The following NXPE2 variants were observed in gnomAD, a reference collection of about 807,000 sequenced individuals.
NXPE2 encodes the protein NXPE family member 2.
A neutral mutation model predicts 34.4 loss-of-function variants in NXPE2; 34 were observed. The observed-to-expected ratio is 0.99, with a 90% CI of 0.75 to 1.31. NXPE2 has a LOEUF of 1.31. NXPE2 is among the 40% of genes most tolerant of loss of function. The pLI is 0.00. For synonymous variants in NXPE2, 235 were observed against 231.3 expected, an observed-to-expected ratio of 1.02 and a Z score of -0.15; for missense variants, 649 against 672.5, an observed-to-expected ratio of 0.97 and a Z score of 0.39.
chr11:114,713,831 C>T, the NXPE2 span, among the ~76,000 whole-genome samples: 1 of 152,058 alleles, frequency 6.6e-6, no homozygotes, highest in Non-Finnish European at 1.5e-5. Flanking sequence ...AGGAGTAATC[C>T]CAATCTTCTT....
intron 2 of NXPE2, among the ~76,000 whole-genome samples, chr11:114,682,267 C>T (rs1029110232): frequency 6.6e-6 from 1 of 152,112 alleles, no homozygotes; most frequent in African/African-American, 2.4e-5. Context: ...GACATAGGGG[C>T]CCACATGCTG....
chr11:114,639,207 A>G, the NXPE2 span, among the ~76,000 whole-genome samples: 222 of 151,860 alleles, frequency 1.5e-3, 3 homozygotes, highest in Non-Finnish European at 2.1e-3. Context: ...GCCGCCTTTC[A>G]GTTTGATCTC....
the NXPE2 span, among the ~76,000 whole-genome samples, chr11:114,484,803 A>C: frequency 6.6e-6 from 1 of 152,220 alleles, no homozygotes; most frequent in Non-Finnish European, 1.5e-5. Flanking sequence ...AGTCTTTCAA[A>C]AATGTTCTTA....
chr11:114,678,436 G>T, upstream of NXPE2: 1 of 634,730 alleles, frequency 1.6e-6, no homozygotes. Flanking sequence ...GATTCCAGCT[G>T]GCACGCTGTG....
chr11:114,539,279 G>A, the NXPE2 span, among the ~76,000 whole-genome samples: 43 of 147,684 alleles, frequency 2.9e-4, 1 homozygote, highest in African/African-American at 8.3e-4. Context: ...ACTGGGGACT[G>A]TTGTGTGGTC....
the NXPE2 span, among the ~76,000 whole-genome samples, chr11:114,664,449 CA>C: frequency 1.9e-4 from 29 of 150,958 alleles, no homozygotes; most frequent in Admixed American, 4.0e-4. Flanking sequence ...CAACTGTAAA[CA>C]AAAAAAAATA....
At chr11:114,813,580 T>C in the NXPE2 span, among the ~76,000 whole-genome samples, 1 of 152,170 alleles carries the variant, frequency 6.6e-6, no homozygotes, top group South Asian at 2.1e-4. Context: ...TCTGGGGGAG[T>C]TCATCTTCAG....
intron 5 of NXPE2, among the ~76,000 whole-genome samples, 195 bp downstream of exon 5, chr11:114,706,191 T>C (rs1311862886): frequency 6.6e-6 from 1 of 152,110 alleles, no homozygotes; most frequent in Non-Finnish European, 1.5e-5. Flanking sequence ...CAAATGTTAA[T>C]ATTTTTCTTC....
At chr11:114,748,658 G>A in the NXPE2 span, among the ~76,000 whole-genome samples, 16 of 152,154 alleles carry the variant, frequency 1.1e-4, no homozygotes, top group East Asian at 2.3e-3. Flanking sequence ...TCACATAAGC[G>A]ATCCTGTGTT....
chr11:114,594,611 G>A, the NXPE2 span: 3 of 1,145,636 alleles, frequency 2.6e-6, no homozygotes, highest in South Asian at 1.3e-5. Context: ...GAACAGATGA[G>A]GTAATAAGCA....
chr11:114,643,680 G>C, the NXPE2 span, among the ~76,000 whole-genome samples: 3 of 152,068 alleles, frequency 2.0e-5, no homozygotes, highest in African/African-American at 7.2e-5. Context: ...ATAGTTTAAA[G>C]TCAGGTAGCA....
At chr11:114,694,825 A>G (rs1951218721) in intron 2 of NXPE2, among the ~76,000 whole-genome samples, 1 of 134,864 alleles carries the variant, frequency 7.4e-6, no homozygotes, top group East Asian at 2.3e-4. Flanking sequence ...TACATTACCC[A>G]TCTGTTCCTG....
the NXPE2 span, among the ~76,000 whole-genome samples, chr11:114,588,933 G>A: frequency 6.6e-6 from 1 of 152,124 alleles, no homozygotes; most frequent in Non-Finnish European, 1.5e-5. Flanking sequence ...ATAGCATTTT[G>A]GAGAACCTCC....
the NXPE2 span, among the ~76,000 whole-genome samples, chr11:114,781,490 G>A: frequency 1.3e-5 from 2 of 152,172 alleles, no homozygotes; most frequent in Non-Finnish European, 2.9e-5. Flanking sequence ...GAAAGAGGTG[G>A]CCTTATGTTT....
At chr11:114,776,886 C>T in the NXPE2 span, among the ~76,000 whole-genome samples, 1 of 152,192 alleles carries the variant, frequency 6.6e-6, no homozygotes, top group African/African-American at 2.4e-5. Context: ...AAAGAACTAA[C>T]AGCTGCATTT....
chr11:114,509,502 C>T, the NXPE2 span, among the ~76,000 whole-genome samples: 1 of 152,090 alleles, frequency 6.6e-6, no homozygotes, highest in Non-Finnish European at 1.5e-5. Context: ...CTCACAATAG[C>T]AAAGACATGG....
At chr11:114,677,549 C>T (rs951152573), upstream of NXPE2, among the ~76,000 whole-genome samples, 2 of 151,948 alleles carry the variant, frequency 1.3e-5, no homozygotes, top group Admixed American at 1.3e-4. Flanking sequence ...TTTTTTCTTT[C>T]AATAAATTTC....
At chr11:114,737,937 A>AT in the NXPE2 span, among the ~76,000 whole-genome samples, 1 of 151,900 alleles carries the variant, frequency 6.6e-6, no homozygotes, top group African/African-American at 2.4e-5. Flanking sequence ...TAAAAAAAAA[A>AT]TTTGCCGGGC....
chr11:114,625,817 C>A, the NXPE2 span, among the ~76,000 whole-genome samples: 1 of 152,104 alleles, frequency 6.6e-6, no homozygotes, highest in East Asian at 1.9e-4. Context: ...AGTGGGTGAG[C>A]ACACCACGTG....
Sources: gnomAD v4.1 joint callset for allele counts (sites outside exome capture counted in the v4.1 genomes callset) on GRCh38, gnomAD v4.1.1 for gene constraint, MANE v1.5 for transcripts, NCBI Gene and HGNC (gene_info 2026-07-23, HGNC 2026-07-21) for gene names.